INSRR: variants seen among roughly 807,000 people sequenced by gnomAD.
INSRR encodes the protein insulin receptor related receptor, also known as insulin receptor-related protein.
In INSRR, 114 loss-of-function variants were observed where a neutral mutation model predicts 130.0. The observed-to-expected ratio is 0.88, with a 90% CI of 0.75 to 1.02. The LOEUF (loss-of-function observed/expected upper bound fraction) is 1.02. Ranked by LOEUF, INSRR falls within the 50% of genes least tolerant of loss-of-function variation. The pLI is 0.00. For synonymous variants in INSRR, 674 were observed against 705.2 expected, an observed-to-expected ratio of 0.96 and a Z score of 0.70; for missense variants, 1,657 against 1,735.2, an observed-to-expected ratio of 0.95 and a Z score of 0.80.
chr1:156,854,245 G>A lies in INSRR; in HGVS notation c.144C>T (p.Cys48=). ...TCTGCAGGTGGCCCTCCACCACGCT[G>A]CAGTTCTCCAGCTGACGAAGCTCTG... is the stretch of plus-strand genomic sequence containing the variant. ...EVAELRQLEN[C]SVVEGHLQIL... The change falls in exon 2 of 22, where the codon TGC becomes TGT. Residue 48 remains cysteine, a synonymous_variant. Transcript: ENST00000368195. The surrounding 1 kb of genome is among the most constrained non-coding windows in gnomAD (Gnocchi z 4.2). 1.2e-6 allele frequency: 2 copies of A among 1,613,812 alleles called. No homozygotes were observed. The highest frequency in any genetic ancestry group is 1.7e-6 in the Non-Finnish European group (2 of 1,180,000).
At position 156,851,891 on chromosome 1, in the gene INSRR, C is replaced by G. The variant is rs200829936; in HGVS notation, c.938G>C (p.Ser313Thr). The change falls in exon 3 of 22, where the codon AGC becomes ACC. Residue 313 changes from serine (S) to threonine (T), a missense_variant. Physicochemically the swap from Ser to Thr is moderately conservative, Grantham distance 58. Coordinates refer to ENST00000368195, the MANE Select transcript of INSRR (RefSeq NM_014215.3). ...CCCCCACCCTCCCTACACTCACCTGCTGCTATTACGGGTGAAGCCAGAAGG... is the reference window on the plus strand; with the variant it reads ...CCCCCACCCTCCCTACACTCACCTGGTGCTATTACGGGTGAAGCCAGAAGG... Reference protein sequence around the residue: ...QCPSGFTRNSSSIFCHKCEGL... With the variant: ...QCPSGFTRNSTSIFCHKCEGL... 12 of 1,581,698 alleles carry G rather than the reference C, an allele frequency of 7.6e-6. No homozygotes were observed. The African/African-American group carries it at 9.4e-5, about 12-fold the overall frequency.
At chr1:156,849,759 T>C (rs1655138682) in intron 5 of INSRR, among the ~76,000 whole-genome samples, 1 of 152,104 alleles carries the variant, frequency 6.6e-6, no homozygotes, top group East Asian at 1.9e-4. Flanking sequence ...ACCTGCTATG[T>C]GCCAGACTCT....
At position 156,843,211 on chromosome 1, in the gene INSRR, C is replaced by T. The variant is rs1322507662; in HGVS notation, c.2919G>A (p.Glu973=). The change falls in exon 17 of 22, where the codon GAG becomes GAA. Residue 973 remains glutamate, a synonymous_variant. Coordinates refer to ENST00000368195, the MANE Select transcript of INSRR (RefSeq NM_014215.3). ...TTATCGAGATCTGCTCCCGAGGCAC[C>T]TCCCATTCATCAGGGACATACACTG... ...ASDMYVPDEW[E]VPREQISIIR... 1 of 1,614,132 alleles carries T rather than the reference C, an allele frequency of 6.2e-7. No homozygotes were observed. Among genetic ancestry groups the T allele is most frequent in the Non-Finnish European group, 8.5e-7 (1 of 1,180,042 alleles).
chr1:156,852,976 A>G (rs1655279161), intron 2 of INSRR, among the ~76,000 whole-genome samples: 1 of 151,284 alleles, frequency 6.6e-6, no homozygotes, highest in South Asian at 2.1e-4. Context: ...AGGTTGGGGG[A>G]CCCCAGATCT....
In INSRR at chr1:156,849,328, G is replaced by A. The variant is rs776961174; in HGVS notation, c.1362C>T (p.Tyr454=). Residue 454 remains tyrosine (Y), a synonymous_variant, in exon 6 of 22, where the codon TAC becomes TAT. Transcript: ENST00000368195. Reference sequence around the variant, plus strand: ...GCGTGCCTGTCACCTCCTCCAGTCGGTAGATGTGTTCCAAGCAGAGGCGCG... The same window carrying A: ...GCGTGCCTGTCACCTCCTCCAGTCGATAGATGTGTTCCAAGCAGAGGCGCG... The part of the protein sequence containing the change: ...FNPRLCLEHI[Y]RLEEVTGTRG... 1 of 1,613,962 alleles carries A rather than the reference G, an allele frequency of 6.2e-7. No homozygotes were observed. The highest frequency in any genetic ancestry group is 2.2e-5 in the East Asian group (1 of 44,868).
intron 1 of INSRR, among the ~76,000 whole-genome samples, chr1:156,855,360 T>C (rs1322487550): frequency 2.0e-5 from 3 of 152,268 alleles, no homozygotes; most frequent in Non-Finnish European, 4.4e-5. Flanking sequence ...CCCGCCGCCA[T>C]ACCCAGCTAA....
Position 156,858,615 on chromosome 1 carries a change from C to T in INSRR, c.7G>A (p.Val3Met). Residue 3 changes from valine (V) to methionine (M), a missense_variant, in exon 1 of 22, where the codon GTG (valine) becomes ATG (methionine). Transcript: ENST00000368195. ...GCTCCCCAGGGCCACAGACTAGGCA[C>T]TGCCATTGTCCCAGCCCTGGCTTGT... Reference protein sequence around the residue: MAVPSLWPWGACL... With the variant: MAMPSLWPWGACL... 1 of 1,614,036 alleles carries T rather than the reference C, an allele frequency of 6.2e-7. No homozygotes were observed. The highest frequency in any genetic ancestry group is 8.5e-7 in the Non-Finnish European group (1 of 1,179,930).
chr1:156,855,829 T>A (rs1408873696), intron 1 of INSRR, among the ~76,000 whole-genome samples: 1 of 152,026 alleles, frequency 6.6e-6, no homozygotes, highest in Non-Finnish European at 1.5e-5. Flanking sequence ...TGTCTAAAAA[T>A]AATTATAATA....
chr1:156,845,165 T>C lies in INSRR; in HGVS notation c.2348A>G (p.Tyr783Cys). Reference sequence around the variant, plus strand: ...GTTGCAGGCATGGATGTCGATCCGGTATTCCGTGAAGTGGCGCAGGCCGCT... The same window carrying C: ...GTTGCAGGCATGGATGTCGATCCGGCATTCCGTGAAGTGGCGCAGGCCGCT... ...VLSGLRHFTE[Y>C]RIDIHACNHA... is the part of the protein sequence containing the mutation. The change falls in exon 12 of 22, where the codon TAC becomes TGC. Residue 783 changes from tyrosine to cysteine, a missense_variant. Transcript: ENST00000368195. The C allele has an allele frequency of 6.2e-7, 1 of 1,611,562 alleles. No homozygotes were observed. The highest frequency in any genetic ancestry group is 8.5e-7 in the Non-Finnish European group (1 of 1,179,192).
rs1391119583 is a variant in INSRR, at chr1:156,849,234, T to C, written c.1444+12A>G. ...GGCCGCGTGTCCACCGGCACTGGGGTTGGGGTCTCACAGGCGGCGCGGTCT... is the reference window on the plus strand; with the variant it reads ...GGCCGCGTGTCCACCGGCACTGGGGCTGGGGTCTCACAGGCGGCGCGGTCT... On this transcript the variant is annotated intron_variant, in intron 6 of 21. Transcript: ENST00000368195. 2 of 1,612,730 alleles carry C rather than the reference T, an allele frequency of 1.2e-6. No individual in the cohort carries two copies. Among genetic ancestry groups the C allele is most frequent in the Admixed American group, 1.7e-5 (1 of 59,966 alleles).
rs1232739649 is a variant in INSRR at position 156,858,597 on chromosome 1, A to G, written c.25T>C (p.Trp9Arg). 2 of 1,613,982 alleles carry G rather than the reference A, an allele frequency of 1.2e-6. No individual in the cohort carries two copies. Among genetic ancestry groups the G allele is most frequent in the African/African-American group, 2.7e-5 (2 of 74,910 alleles). The part of the protein sequence containing the change: MAVPSLWP[W>R]GACLPVIFLS... ...AAGATCACAGGCAGGCATGCTCCCC[A>G]GGGCCACAGACTAGGCACTGCCATT... Residue 9 changes from tryptophan (W) to arginine (R), a missense_variant, in exon 1 of 22, where the codon TGG (tryptophan) becomes CGG (arginine). By Grantham distance (101) the Trp-to-Arg change is moderately radical (BLOSUM62 -3). Transcript: ENST00000368195.
intron 1 of INSRR, among the ~76,000 whole-genome samples, chr1:156,857,185 G>T (rs1036749835): frequency 8.1e-6 from 1 of 124,220 alleles, no homozygotes; most frequent in East Asian, 2.3e-4. Flanking sequence ...GTGTGTGTGT[G>T]TGTGTGTGTG....
In INSRR at chr1:156,845,782, G is replaced by A; in HGVS notation, c.2011C>T (p.Arg671Cys). 1.2e-6 allele frequency: 2 copies of A among 1,613,118 alleles called. No individual in the cohort carries two copies. Among genetic ancestry groups the A allele is most frequent in the Non-Finnish European group, 8.5e-7 (1 of 1,179,906 alleles). The change falls in exon 10 of 22, where the codon CGC (arginine) becomes TGC (cysteine). Residue 671 changes from arginine to cysteine, a missense_variant. Coordinates refer to ENST00000368195, the MANE Select transcript of INSRR (RefSeq NM_014215.3). ...LRLPTSNNDP[R>C]FDGEDGDPEA... ...GGATCCCCGTCTTCGCCGTCGAAGCGCGGATCGTTGTTGCTGGTGGGCAGC... is the reference window on the plus strand; with the variant it reads ...GGATCCCCGTCTTCGCCGTCGAAGCACGGATCGTTGTTGCTGGTGGGCAGC...
In INSRR at chr1:156,840,760, G is replaced by T. The variant is rs559161018; in HGVS notation, c.*113C>A. On this transcript the variant is annotated 3_prime_UTR_variant, in exon 22 of 22. Coordinates refer to ENST00000368195, the MANE Select transcript of INSRR (RefSeq NM_014215.3). The stretch of plus-strand genomic sequence containing the variant: ...TGCTCCTGTTCTCTGCCCCACCCTC[G>T]GCCATCCCTTGCCCTGAGTTGGGGT... 1,388 of 809,706 alleles carry T rather than the reference G, an allele frequency of 1.7e-3. 5 individuals carry two copies. The highest frequency in any genetic ancestry group is 2.4e-3 in the Non-Finnish European group (1,182 of 488,606). 50.2% of individuals were successfully genotyped at this position (809,706 alleles called of 1,614,324 possible). A position where few individuals can be genotyped will look rare whatever the true frequency, so the allele number is the denominator to read the frequency against.
At chr1:156,848,854 C>T (rs1655098809) in intron 7 of INSRR, 67 bp downstream of exon 7, 2 of 1,520,428 alleles carry the variant, frequency 1.3e-6, no homozygotes, top group Non-Finnish European at 1.8e-6. Context: ...CCTCACCTGC[C>T]TGTGGTCCCG....
At position 156,852,123 on chromosome 1, in the gene INSRR, C is replaced by A; in HGVS notation, c.706G>T (p.Gly236Cys). The A allele has an allele frequency of 1.2e-6, 2 of 1,613,444 alleles. No homozygotes were observed. Among genetic ancestry groups the A allele is most frequent in the Non-Finnish European group, 1.7e-6 (2 of 1,179,842 alleles). Reference sequence around the variant, plus strand: ...CGAGGGTCTTCTGGCTGGCTGCAGCCCCCCAGGCATTCGGTGTGGCAGCAC... The same window carrying A: ...CGAGGGTCTTCTGGCTGGCTGCAGCACCCCAGGCATTCGGTGTGGCAGCAC... ...GECCHTECLG[G>C]CSQPEDPRAC... is the part of the protein sequence containing the mutation. Residue 236 changes from glycine (G) to cysteine (C), a missense_variant, in exon 3 of 22, where the codon GGC (glycine) becomes TGC (cysteine). Physicochemically the swap from Gly to Cys is radical, Grantham distance 159. Coordinates refer to ENST00000368195, the MANE Select transcript of INSRR (RefSeq NM_014215.3).
rs1003547132 is a variant in INSRR at position 156,854,604 on chromosome 1, C to A, written c.86-301G>T. Reference sequence around the variant, plus strand: ...CAGTCAGGCTCCCAACGACTGCAAGCGACTCCCAGCGACTTCATTCTTGCA... The same window carrying A: ...CAGTCAGGCTCCCAACGACTGCAAGAGACTCCCAGCGACTTCATTCTTGCA... On this transcript the variant is annotated intron_variant, in intron 1 of 21. Transcript: ENST00000368195. This position sits in a 1 kb window ranked among gnomAD's most constrained non-coding sequence, Gnocchi z 4.2. Among the ~76,000 whole-genome samples, 1 of 152,188 alleles carries A rather than the reference C, an allele frequency of 6.6e-6. No individual in the cohort carries two copies. Among genetic ancestry groups the A allele is most frequent in the Non-Finnish European group, 1.5e-5 (1 of 68,026 alleles).
rs980643939 is a variant in INSRR at position 156,844,770 on chromosome 1, G to A, written c.2511C>T (p.Leu837=). Residue 837 remains leucine (L), a synonymous_variant, in exon 13 of 22, where the codon CTC becomes CTT. Transcript: ENST00000368195. ...TGAGTCCGTTGGGGTCTGGTGGCTC[G>A]AGCCAGCGCAGAAGGACACTGTTCT... ...SSKNSVLLRW[L]EPPDPNGLIL... is the part of the protein sequence containing the mutation. The A allele has an allele frequency of 2.0e-5, 32 of 1,614,124 alleles. No homozygotes were observed. The highest frequency in any genetic ancestry group is 2.7e-5 in the Non-Finnish European group (32 of 1,180,040).
intron 15 of INSRR, 83 bp downstream of exon 15, chr1:156,844,092 G>T: frequency 2.0e-6 from 2 of 980,402 alleles, no homozygotes; most frequent in Non-Finnish European, 1.6e-6. Context: ...TCTTTCTACT[G>T]TCTCATCTAC....
Sources: allele counts gnomAD v4.1 joint callset (sites outside exome capture counted in the v4.1 genomes callset), GRCh38; gene constraint gnomAD v4.1.1; non-coding constraint Gnocchi (gnomAD v3.1); transcripts MANE v1.5; gene names NCBI Gene and HGNC (gene_info 2026-07-23, HGNC 2026-07-21).